The following STIM2 variants were observed in gnomAD, a reference collection of about 807,000 sequenced individuals.
STIM2 encodes stromal interaction molecule 2.
A neutral mutation model predicts 85.8 loss-of-function variants in STIM2; 31 were observed. That is an observed-to-expected ratio of 0.36 (90% CI 0.27 to 0.49). The LOEUF is 0.49. STIM2 is among the 20% of genes least tolerant of loss of function. The probability of loss-of-function intolerance (pLI) is 0.98; values close to 1 mark genes in which losing one functional copy is unlikely to be tolerated. For missense variants in STIM2, 841 were observed against 927.6 expected (o/e 0.91, Z 1.21); for synonymous variants, 356 against 331.1 (o/e 1.08, Z -0.82).
In STIM2 at chr4:26,995,426, G is replaced by T; in HGVS notation, c.445G>T (p.Val149Phe). The change falls in exon 4 of 12, where the codon GTT (valine) becomes TTT (phenylalanine). Residue 149 changes from valine (V) to phenylalanine (F), a missense_variant. By Grantham distance (50) the Val-to-Phe change is conservative (BLOSUM62 -1). Transcript: ENST00000467087. Reference sequence around the variant, plus strand: ...CACTCTTCAGTGGTTGATAGAGTTTGTTGAACTACCCCAATATGAGAAGAA... The same window carrying T: ...CACTCTTCAGTGGTTGATAGAGTTTTTTGAACTACCCCAATATGAGAAGAA... The T allele has an allele frequency of 6.2e-7, 1 of 1,603,720 alleles. No individual in the cohort carries two copies. Among genetic ancestry groups the T allele is most frequent in the Non-Finnish European group, 8.5e-7 (1 of 1,175,220 alleles).
chr4:26,997,664 G>A (rs918618966), intron 4 of STIM2, among the ~76,000 whole-genome samples: 1 of 152,156 alleles, frequency 6.6e-6, no homozygotes, highest in Non-Finnish European at 1.5e-5. Flanking sequence ...CATTCATTCA[G>A]CTATTATACA....
At chr4:26,861,529 C>G in intron 1 of STIM2, 160 bp downstream of exon 1, 1 of 1,122,332 alleles carries the variant, frequency 8.9e-7, no homozygotes, top group Non-Finnish European at 1.1e-6. Flanking sequence ...CCCCTGCACT[C>G]CGGACGTCTT....
chr4:26,869,870 C>A (rs1261316173), intron 1 of STIM2, among the ~76,000 whole-genome samples: 1 of 151,184 alleles, frequency 6.6e-6, no homozygotes, highest in Non-Finnish European at 1.5e-5. Flanking sequence ...TTCTTTTCAG[C>A]ATTTTTCACA....
chr4:26,956,372 G>A (rs545586316), intron 2 of STIM2, among the ~76,000 whole-genome samples: 67 of 151,564 alleles, frequency 4.4e-4, no homozygotes, highest in African/African-American at 1.6e-3. Flanking sequence ...GCTTTTTATT[G>A]TTAGACAATG....
chr4:26,940,177 CTT>C (rs1725555560), intron 2 of STIM2, among the ~76,000 whole-genome samples: 1 of 152,124 alleles, frequency 6.6e-6, no homozygotes, highest in Non-Finnish European at 1.5e-5. Flanking sequence ...TGACTGGAGT[CTT>C]AATGTTGTTG....
At chr4:26,912,451 G>A (rs1331324379) in intron 1 of STIM2, among the ~76,000 whole-genome samples, 3 of 152,108 alleles carry the variant, frequency 2.0e-5, no homozygotes, top group Admixed American at 6.6e-5. Flanking sequence ...ATAAGTTTCT[G>A]AACTGTATTC....
intron 3 of STIM2, among the ~76,000 whole-genome samples, chr4:26,982,317 TTCAG>T (rs1727430304): frequency 6.6e-6 from 1 of 152,216 alleles, no homozygotes; most frequent in African/African-American, 2.4e-5. Flanking sequence ...TCCTATTTTA[TTCAG>T]TCAGTTTTGA....
chr4:26,874,026 G>T, intron 1 of STIM2: 1 of 717,748 alleles, frequency 1.4e-6, no homozygotes, highest in Non-Finnish European at 2.6e-6. Flanking sequence ...GTCTCCACCA[G>T]CCACTTGGTG....
intron 1 of STIM2, among the ~76,000 whole-genome samples, chr4:26,916,804 G>C (rs1394108630): frequency 6.6e-6 from 1 of 151,852 alleles, no homozygotes; most frequent in Non-Finnish European, 1.5e-5. Flanking sequence ...CTCTTCTCAA[G>C]GTTGTCAGCT....
intron 3 of STIM2, among the ~76,000 whole-genome samples, chr4:26,962,483 A>C (rs766733799): frequency 6.6e-6 from 1 of 152,108 alleles, no homozygotes; most frequent in African/African-American, 2.4e-5. Context: ...AATGTTGTCA[A>C]CTGTGGGAAA....
intron 1 of STIM2, among the ~76,000 whole-genome samples, chr4:26,911,959 A>G (rs1250002521): frequency 6.6e-6 from 1 of 152,206 alleles, no homozygotes; most frequent in African/African-American, 2.4e-5. Flanking sequence ...TGCCCTAGAG[A>G]GGGTATCAGA....
At chr4:26,916,464 G>A (rs1304187983) in intron 1 of STIM2, among the ~76,000 whole-genome samples, 2 of 152,144 alleles carry the variant, frequency 1.3e-5, no homozygotes, top group African/African-American at 2.4e-5. Flanking sequence ...CTATTCCACT[G>A]TCACCAGAGG....
At chr4:26,908,382 T>A (rs1197007334) in intron 1 of STIM2, among the ~76,000 whole-genome samples, 5 of 152,238 alleles carry the variant, frequency 3.3e-5, no homozygotes, top group Admixed American at 3.3e-4. Flanking sequence ...AAATTGCTTT[T>A]CCTATGAGAA....
Position 27,003,056 on chromosome 4 carries a change from T to C in STIM2, c.933T>C (p.Ala311=). Reference sequence around the variant, plus strand: ...GGCTGAGAGAGCTAAGGGAGGGAGCTGAATGTGAATTGAGTAGACGTCAGT... The same window carrying C: ...GGCTGAGAGAGCTAAGGGAGGGAGCCGAATGTGAATTGAGTAGACGTCAGT... The change falls in exon 7 of 12, where the codon GCT becomes GCC. Residue 311 remains alanine (A), a synonymous_variant. Transcript: ENST00000467087. 5 of 1,603,402 alleles carry C rather than the reference T, an allele frequency of 3.1e-6. No homozygotes were observed. Among genetic ancestry groups the C allele is most frequent in the East Asian group, 2.3e-5 (1 of 44,130 alleles).
chr4:26,935,695 C>T (rs947455614), intron 2 of STIM2, among the ~76,000 whole-genome samples: 5 of 152,184 alleles, frequency 3.3e-5, no homozygotes, highest in Non-Finnish European at 5.9e-5. Flanking sequence ...AACCACTAGA[C>T]TTTCAGGACT....
chr4:27,001,384 T>G (rs1342934031), intron 5 of STIM2, among the ~76,000 whole-genome samples: 1 of 152,216 alleles, frequency 6.6e-6, no homozygotes, highest in Non-Finnish European at 1.5e-5. Context: ...CCTCACTCTT[T>G]GTTTTAGACA....
chr4:26,952,686 G>A (rs1726103305), intron 2 of STIM2, among the ~76,000 whole-genome samples: 1 of 152,046 alleles, frequency 6.6e-6, no homozygotes, highest in Non-Finnish European at 1.5e-5. Context: ...CTATCTGTTT[G>A]ATAGAACAGT....
chr4:26,952,097 C>T (rs1344303724), intron 2 of STIM2, among the ~76,000 whole-genome samples: 1 of 152,038 alleles, frequency 6.6e-6, no homozygotes, highest in East Asian at 1.9e-4. Context: ...CCCCATGATT[C>T]AAATTATCTC....
At chr4:26,964,979 A>G (rs750823267) in intron 3 of STIM2, among the ~76,000 whole-genome samples, 3 of 152,174 alleles carry the variant, frequency 2.0e-5, no homozygotes, top group Non-Finnish European at 4.4e-5. Context: ...CTAGGAGGAT[A>G]TTTGTACTTA....
Sources: allele counts gnomAD v4.1 joint callset (sites outside exome capture counted in the v4.1 genomes callset), GRCh38; gene constraint gnomAD v4.1.1; transcripts MANE v1.5; gene names NCBI Gene and HGNC (gene_info 2026-07-23, HGNC 2026-07-21).